The following GRIP1 variants were observed in gnomAD, a reference collection of about 807,000 sequenced individuals.
GRIP1 encodes the protein glutamate receptor interacting protein 1.
A neutral mutation model predicts 129.9 loss-of-function variants in GRIP1; 45 were observed. That is an observed-to-expected ratio of 0.35 (90% confidence interval 0.27 to 0.44). The LOEUF is 0.44. Among genes scored for constraint, GRIP1 ranks in the 20% least tolerant of loss-of-function variants. The probability of loss-of-function intolerance (pLI) is 1.00; values close to 1 mark genes in which losing one functional copy is unlikely to be tolerated. For missense variants in GRIP1, 1,196 were observed against 1,396.8 expected (o/e 0.86, Z 2.29); for synonymous variants, 530 against 520.8 (o/e 1.02, Z -0.24).
intron 1 of GRIP1, among the ~76,000 whole-genome samples, chr12:67,002,713 T>G (rs1047755505): frequency 6.6e-6 from 1 of 152,238 alleles, no homozygotes; most frequent in South Asian, 2.1e-4. Context: ...CCCAGACATA[T>G]CCAGTAGAAT....
intron 5 of GRIP1, among the ~76,000 whole-genome samples, chr12:66,525,822 C>A (rs1182347997): frequency 6.6e-6 from 1 of 152,106 alleles, no homozygotes; most frequent in East Asian, 1.9e-4. Flanking sequence ...TGATAAGCAA[C>A]TTCAGCAAAG....
chr12:66,686,149 G>A (rs1270821363), intron 1 of GRIP1, among the ~76,000 whole-genome samples: 1 of 152,112 alleles, frequency 6.6e-6, no homozygotes, highest in East Asian at 1.9e-4. Context: ...TTGCAGAGGA[G>A]AAAAAGGAAA....
Position 66,392,708 on chromosome 12 carries a change from A to C in GRIP1, c.2238T>G (p.Thr746=), listed in dbSNP as rs748989365. ...AIHLLQMAGE[T]VTLKIKKQTD... Reference sequence around the variant, plus strand: ...TCTGTTTCTTAATTTTCAAGGTGACAGTCTCTCCTGCCATCTGTAACAAAT... The same window carrying C: ...TCTGTTTCTTAATTTTCAAGGTGACCGTCTCTCCTGCCATCTGTAACAAAT... Residue 746 remains threonine, a synonymous_variant, in exon 18 of 25, where the codon ACT becomes ACG. Transcript: ENST00000359742. 2 of 1,613,954 alleles carry C rather than the reference A, an allele frequency of 1.2e-6. No homozygotes were observed. Among genetic ancestry groups the C allele is most frequent in the African/African-American group, 2.7e-5 (2 of 74,926 alleles).
chr12:66,481,337 A>G (rs770217007), intron 7 of GRIP1, among the ~76,000 whole-genome samples: 2 of 152,178 alleles, frequency 1.3e-5, no homozygotes, highest in Non-Finnish European at 2.9e-5. Flanking sequence ...GCCAACAAAC[A>G]TCTGAAAAAA....
chr12:66,776,428 A>G (rs1271639306), intron 1 of GRIP1, among the ~76,000 whole-genome samples: 1 of 152,250 alleles, frequency 6.6e-6, no homozygotes, highest in Admixed American at 6.5e-5. Context: ...ACTTTCACCG[A>G]CAGTTGAATA....
At chr12:66,664,117 T>G (rs576651101) in intron 1 of GRIP1, among the ~76,000 whole-genome samples, 1 of 152,248 alleles carries the variant, frequency 6.6e-6, no homozygotes, top group Non-Finnish European at 1.5e-5. Flanking sequence ...TTTTTTTTTT[T>G]GCATTTCCAA....
chr12:66,711,170 T>A (rs1310498734), intron 1 of GRIP1, among the ~76,000 whole-genome samples: 9 of 151,886 alleles, frequency 5.9e-5, no homozygotes, highest in African/African-American at 2.2e-4. Context: ...ATTAGAAAAG[T>A]CTTTTCAAAA....
intron 1 of GRIP1, among the ~76,000 whole-genome samples, chr12:67,015,269 G>T (rs1047836136): frequency 6.6e-6 from 1 of 152,140 alleles, no homozygotes; most frequent in Non-Finnish European, 1.5e-5. Context: ...CTTTACAAGG[G>T]ACTTGAGAAA....
chr12:66,735,669 G>A (rs1446758329), intron 1 of GRIP1, among the ~76,000 whole-genome samples: 1 of 152,126 alleles, frequency 6.6e-6, no homozygotes, highest in Non-Finnish European at 1.5e-5. Flanking sequence ...GAACAAAGGT[G>A]ACAGGAAGGG....
At chr12:66,698,011 T>C (rs767290644) in intron 1 of GRIP1, among the ~76,000 whole-genome samples, 38 of 152,142 alleles carry the variant, frequency 2.5e-4, no homozygotes, top group Non-Finnish European at 4.6e-4. Context: ...CAGTATTAAA[T>C]ACAGAAAAGA....
intron 1 of GRIP1, among the ~76,000 whole-genome samples, chr12:66,785,339 C>CATATATATATATATAT (rs1242812457): frequency 0.031 from 1,113 of 36,036 alleles, 16 homozygotes; most frequent in South Asian, 0.072. Flanking sequence ...TACATACATA[C>CATATATATATATATAT]ATACATATAT....
chr12:66,842,972 T>C (rs964568683), intron 1 of GRIP1, among the ~76,000 whole-genome samples: 1 of 152,154 alleles, frequency 6.6e-6, no homozygotes, highest in Non-Finnish European at 1.5e-5. Context: ...GTTGTCAAAA[T>C]ATCATATACA....
At chr12:66,846,013 GAATCT>G (rs2039808704) in intron 1 of GRIP1, among the ~76,000 whole-genome samples, 1 of 152,098 alleles carries the variant, frequency 6.6e-6, no homozygotes, top group Admixed American at 6.6e-5. Context: ...TTGTGCTTCT[GAATCT>G]TGATTCACAC....
Position 66,463,055 on chromosome 12 carries a change from A to T in GRIP1, c.911T>A (p.Ile304Asn). ...ACAGTACTCCATGCTGGTTCCATCG[A>T]TGGAGAGGATGTGATCTCCCACATG... The part of the protein sequence containing the change: ...ALHVGDHILS[I>N]DGTSMEYCTL... Residue 304 changes from isoleucine (I) to asparagine (N), a missense_variant, in exon 9 of 25, where the codon ATC becomes AAC. This residue lies in a region of GRIP1 where 508 missense variants were observed against 587.0 expected (regional missense o/e 0.87). Transcript: ENST00000359742. The T allele has an allele frequency of 6.2e-7, 1 of 1,614,074 alleles. No homozygotes were observed. The highest frequency in any genetic ancestry group is 8.5e-7 in the Non-Finnish European group (1 of 1,179,982).
At chr12:66,581,243 A>G (rs2063366032) in intron 2 of GRIP1, among the ~76,000 whole-genome samples, 1 of 152,110 alleles carries the variant, frequency 6.6e-6, no homozygotes, top group African/African-American at 2.4e-5. Flanking sequence ...TCTCTGGGAC[A>G]CATTCAAAGC....
intron 1 of GRIP1, among the ~76,000 whole-genome samples, chr12:66,888,640 G>A (rs1199823266): frequency 6.6e-6 from 1 of 152,174 alleles, no homozygotes; most frequent in Non-Finnish European, 1.5e-5. Context: ...TGGAATTACA[G>A]GCATGAGCCA....
intron 2 of GRIP1, among the ~76,000 whole-genome samples, chr12:66,570,151 C>T (rs1565871622): frequency 6.6e-6 from 1 of 151,074 alleles, no homozygotes. Context: ...CAGGGTCTTA[C>T]TCCGTCACCC....
intron 7 of GRIP1, among the ~76,000 whole-genome samples, chr12:66,510,748 G>T (rs1592456343): frequency 6.6e-6 from 1 of 152,112 alleles, no homozygotes; most frequent in East Asian, 1.9e-4. Context: ...CAGGGTTGAG[G>T]TATTGATATC....
intron 4 of GRIP1, among the ~76,000 whole-genome samples, chr12:66,530,581 A>G (rs2139105629): frequency 6.6e-6 from 1 of 152,250 alleles, no homozygotes; most frequent in African/African-American, 2.4e-5. Context: ...AACAAAATGG[A>G]ATTGTATTGT....
Sources: gnomAD v4.1 joint callset for allele counts (sites outside exome capture counted in the v4.1 genomes callset) on GRCh38, gnomAD v4.1.1 for gene constraint, gnomAD v4.1.1 regional missense constraint, MANE v1.5 for transcripts, NCBI Gene and HGNC (gene_info 2026-07-23, HGNC 2026-07-21) for gene names.